The following PCSK2 variants were observed in gnomAD, a reference collection of about 807,000 sequenced individuals.
PCSK2 encodes the protein neuroendocrine convertase 2.
A neutral mutation model predicts 69.7 loss-of-function variants in PCSK2; 14 were observed. That is an observed-to-expected ratio of 0.20 (90% CI 0.13 to 0.31). PCSK2 has a LOEUF of 0.31. Among genes scored for constraint, PCSK2 ranks in the 10% least tolerant of loss-of-function variants. The pLI is 1.00. For missense variants in PCSK2, 544 were observed against 842.5 expected (o/e 0.65, Z 4.39); for synonymous variants, 307 against 320.7 (o/e 0.96, Z 0.46).
At position 17,461,477 on chromosome 20, in the gene PCSK2, C is replaced by G. The variant is rs115213977; in HGVS notation, c.1203-3849C>G. ...GTGAAACAACTTGCTCCAGGTCACA[C>G]AGTTTACATTGTCAGATAAAGATCA... On this transcript the variant is annotated intron_variant, in intron 10 of 11. Coordinates refer to ENST00000262545, the MANE Select transcript of PCSK2 (RefSeq NM_002594.5). Among the ~76,000 whole-genome samples, 547 of 152,290 alleles carry G rather than the reference C, an allele frequency of 3.6e-3. 6 individuals are homozygous for G. The highest frequency in any genetic ancestry group is 0.012 in the African/African-American group (505 of 41,560).
chr20:17,231,209 C>A (rs908514936), intron 1 of PCSK2, among the ~76,000 whole-genome samples: 4 of 152,176 alleles, frequency 2.6e-5, no homozygotes, highest in Non-Finnish European at 5.9e-5. Flanking sequence ...GAAATGATTA[C>A]ACAAGTAAAA....
chr20:17,296,958 G>T (rs1409082511), intron 2 of PCSK2, among the ~76,000 whole-genome samples: 1 of 152,168 alleles, frequency 6.6e-6, no homozygotes, highest in East Asian at 1.9e-4. Context: ...TAGAGAGTAA[G>T]CTAAGCTTAA....
intron 2 of PCSK2, among the ~76,000 whole-genome samples, chr20:17,273,112 A>T (rs1987933534): frequency 6.6e-6 from 1 of 152,152 alleles, no homozygotes; most frequent in Admixed American, 6.6e-5. Context: ...TCAAGTGTAG[A>T]CCAAACCAAA....
At chr20:17,447,569 G>A (rs561424490) in intron 8 of PCSK2, among the ~76,000 whole-genome samples, 12 of 151,930 alleles carry the variant, frequency 7.9e-5, no homozygotes, top group African/African-American at 2.9e-4. Flanking sequence ...ACTTTATCAA[G>A]AACAATAATA....
chr20:17,453,113 A>C lies in PCSK2; in HGVS notation c.886-629A>C, dbSNP rs1469471223. 6.6e-6 allele frequency among the ~76,000 whole-genome samples: 1 copy of C among 152,224 alleles called. No individual in the cohort carries two copies. The highest frequency in any genetic ancestry group is 1.5e-5 in the Non-Finnish European group (1 of 68,042). On this transcript the variant is annotated intron_variant, in intron 8 of 11. Coordinates refer to ENST00000262545, the MANE Select transcript of PCSK2 (RefSeq NM_002594.5). This position sits in a 1 kb window ranked among gnomAD's most constrained non-coding sequence, Gnocchi z 4.0. Reference sequence around the variant, plus strand: ...AGGATTCTAGTATCCAATTGAATAAAAAAGAATATATACATATGCACACAC... The same window carrying C: ...AGGATTCTAGTATCCAATTGAATAACAAAGAATATATACATATGCACACAC...
chr20:17,354,270 T>A (rs1179546976), intron 2 of PCSK2, among the ~76,000 whole-genome samples: 3 of 152,176 alleles, frequency 2.0e-5, no homozygotes, highest in Admixed American at 2.0e-4. Flanking sequence ...ACGGTCCTAT[T>A]TGAGGAAGCG....
intron 5 of PCSK2, among the ~76,000 whole-genome samples, chr20:17,385,771 G>C (rs1398953642): frequency 6.6e-6 from 1 of 152,160 alleles, no homozygotes. Context: ...TCAATACAGG[G>C]TGTGCACAAG....
intron 6 of PCSK2, among the ~76,000 whole-genome samples, chr20:17,423,510 T>G (rs1267838895): frequency 6.6e-6 from 1 of 152,074 alleles, no homozygotes; most frequent in African/African-American, 2.4e-5. Context: ...CTCTCCAGGA[T>G]TGGAAAAAGA....
intron 2 of PCSK2, among the ~76,000 whole-genome samples, chr20:17,320,721 C>G (rs1326774241): frequency 6.6e-6 from 1 of 152,150 alleles, no homozygotes; most frequent in Admixed American, 6.5e-5. Context: ...ATTAGTTCTC[C>G]AGCACATCAC....
At chr20:17,355,674 CAGAG>C (rs1164008751) in intron 2 of PCSK2, among the ~76,000 whole-genome samples, 1 of 151,352 alleles carries the variant, frequency 6.6e-6, no homozygotes, top group Non-Finnish European at 1.5e-5. Context: ...CACACACACA[CAGAG>C]AGAGAGCTAT....
chr20:17,394,865 A>C (rs929934926), intron 5 of PCSK2, among the ~76,000 whole-genome samples: 9 of 152,240 alleles, frequency 5.9e-5, no homozygotes, highest in African/African-American at 1.9e-4. Flanking sequence ...AATGCTGTCC[A>C]AGTTTTTTGG....
chr20:17,266,899 G>A (rs1181719627), intron 2 of PCSK2, among the ~76,000 whole-genome samples: 1 of 152,108 alleles, frequency 6.6e-6, no homozygotes, highest in Non-Finnish European at 1.5e-5. Flanking sequence ...AAGAAACTCT[G>A]AGCCACATTT....
At position 17,287,431 on chromosome 20, in the gene PCSK2, C is replaced by CTGTGTG. The variant is rs67695913; in HGVS notation, c.282+27115_282+27120dup. ...GGATCTTGCACCAGCATGTGCGTGT[C>CTGTGTG]TGTGTGTGTGTGTGTGTGTGTGTGT... On this transcript the variant is annotated intron_variant, in intron 2 of 11. Transcript: ENST00000262545. Among the ~76,000 whole-genome samples, 808 of 146,022 alleles carry CTGTGTG rather than the reference C, an allele frequency of 5.5e-3. 4 individuals are homozygous for CTGTGTG. Among genetic ancestry groups the CTGTGTG allele is most frequent in the South Asian group, 0.013 (59 of 4,468 alleles).
intron 5 of PCSK2, among the ~76,000 whole-genome samples, chr20:17,388,714 G>C (rs1348604432): frequency 6.6e-6 from 1 of 152,086 alleles, no homozygotes; most frequent in Non-Finnish European, 1.5e-5. Context: ...ACCACCAGCA[G>C]GAACCCGGAC....
At chr20:17,358,492 A>C (rs1046374923) in intron 3 of PCSK2, 52 bp downstream of exon 3, 6 of 985,234 alleles carry the variant, frequency 6.1e-6, no homozygotes, top group Non-Finnish European at 8.2e-6. Flanking sequence ...ACTCTGGATA[A>C]AAGATGAATT....
At chr20:17,408,523 T>C (rs962867411) in intron 5 of PCSK2, among the ~76,000 whole-genome samples, 1 of 152,204 alleles carries the variant, frequency 6.6e-6, no homozygotes, top group Non-Finnish European at 1.5e-5. Flanking sequence ...TTTGACCATA[T>C]GCTGTAGGGC....
chr20:17,245,981 A>G (rs1387057030), intron 1 of PCSK2, among the ~76,000 whole-genome samples: 1 of 152,196 alleles, frequency 6.6e-6, no homozygotes, highest in Non-Finnish European at 1.5e-5. Flanking sequence ...CCATAACCTT[A>G]GTCATCCACA....
At chr20:17,229,187 G>A (rs931561801) in intron 1 of PCSK2, among the ~76,000 whole-genome samples, 2 of 151,592 alleles carry the variant, frequency 1.3e-5, no homozygotes, top group African/African-American at 4.8e-5. Flanking sequence ...TATCATTATT[G>A]AGCCTATGGC....
At chr20:17,436,011 T>C (rs2032477714) in intron 7 of PCSK2, among the ~76,000 whole-genome samples, 1 of 152,130 alleles carries the variant, frequency 6.6e-6, no homozygotes, top group Admixed American at 6.5e-5. Flanking sequence ...AGGACTTTGC[T>C]CCTTCCCAAC....
Sources: gnomAD v4.1 joint callset for allele counts (sites outside exome capture counted in the v4.1 genomes callset) on GRCh38, gnomAD v4.1.1 for gene constraint, Gnocchi (gnomAD v3.1) non-coding constraint, MANE v1.5 for transcripts, NCBI Gene and HGNC (gene_info 2026-07-23, HGNC 2026-07-21) for gene names.